Variants in MC2R observed in about 807,000 individuals in gnomAD.
MC2R encodes adrenocorticotropic hormone receptor.
In MC2R, 9 loss-of-function variants were observed where a neutral mutation model predicts 9.8. The observed-to-expected ratio is 0.92, with a 90% CI of 0.55 to 1.60. MC2R has a LOEUF of 1.60. Ranked by LOEUF, MC2R falls within the 40% of genes most tolerant of loss-of-function variation. The pLI is 0.00. For missense variants in MC2R, 370 were observed against 389.0 expected, an observed-to-expected ratio of 0.95 and a Z score of 0.41; for synonymous variants, 185 against 154.7, an observed-to-expected ratio of 1.20 and a Z score of -1.45.
At chr18:13,906,065 C>A (rs967228014) in intron 1 of MC2R, among the ~76,000 whole-genome samples, 2 of 151,932 alleles carry the variant, frequency 1.3e-5, no homozygotes, top group African/African-American at 4.8e-5. Context: ...AGAGTAAGAC[C>A]CCATCTCAAA....
chr18:13,911,978 G>A (rs1249093447), intron 1 of MC2R, among the ~76,000 whole-genome samples: 1 of 152,096 alleles, frequency 6.6e-6, no homozygotes, highest in Non-Finnish European at 1.5e-5. Flanking sequence ...TGCAAATTGG[G>A]GTCAGAACTG....
chr18:13,914,312 T>G (rs777308722), intron 1 of MC2R, among the ~76,000 whole-genome samples: 2 of 152,218 alleles, frequency 1.3e-5, no homozygotes, highest in Non-Finnish European at 2.9e-5. Flanking sequence ...GTGTCCTGTC[T>G]GGGAGCTAGT....
chr18:13,896,884 T>C (rs1453663723), intron 1 of MC2R, among the ~76,000 whole-genome samples: 2 of 152,098 alleles, frequency 1.3e-5, no homozygotes, highest in African/African-American at 4.8e-5. Context: ...ACTCCGCAAG[T>C]CCATACAATA....
intron 1 of MC2R, among the ~76,000 whole-genome samples, chr18:13,892,430 T>C (rs2045320683): frequency 6.6e-6 from 1 of 151,858 alleles, no homozygotes; most frequent in Non-Finnish European, 1.5e-5. Context: ...TACCCGTCCC[T>C]CCCCACCGGC....
chr18:13,884,898 G>A lies in MC2R; in HGVS notation c.621C>T (p.Ile207=). Residue 207 remains isoleucine, a synonymous_variant, in exon 2 of 2, where the codon ATC becomes ATT. Coordinates refer to ENST00000327606, the MANE Select transcript of MC2R (RefSeq NM_000529.2). ...FLLARSHTRK[I]STLPRANMKG... ...TCATGTTGGCTCTGGGGAGGGTGGA[G>A]ATCTTCCTGGTGTGGGATCGAGCCA... 2 of 1,614,108 alleles carry A rather than the reference G, an allele frequency of 1.2e-6. No individual in the cohort carries two copies. The highest frequency in any genetic ancestry group is 1.7e-6 in the Non-Finnish European group (2 of 1,180,020).
intron 1 of MC2R, among the ~76,000 whole-genome samples, chr18:13,908,293 G>T (rs1389263517): frequency 1.3e-5 from 2 of 152,176 alleles, no homozygotes; most frequent in African/African-American, 2.4e-5. Context: ...AATGTCCCTT[G>T]TTCTCACTCA....
chr18:13,907,206 G>C (rs1416319903), intron 1 of MC2R, among the ~76,000 whole-genome samples: 1 of 152,116 alleles, frequency 6.6e-6, no homozygotes, highest in East Asian at 1.9e-4. Context: ...AAATAACCCA[G>C]CTATAAATCC....
intron 1 of MC2R, among the ~76,000 whole-genome samples, chr18:13,895,984 C>T (rs146960336): frequency 1.3e-5 from 2 of 152,262 alleles, no homozygotes; most frequent in African/African-American, 4.8e-5. Context: ...GATACTGGCT[C>T]TTTTTTTCTC....
At chr18:13,894,186 G>A (rs2045333418) in intron 1 of MC2R, among the ~76,000 whole-genome samples, 1 of 152,106 alleles carries the variant, frequency 6.6e-6, no homozygotes, top group Non-Finnish European at 1.5e-5. Context: ...GAGAGAGAGA[G>A]AGGATGTATC....
At chr18:13,896,078 T>C (rs926210039) in intron 1 of MC2R, among the ~76,000 whole-genome samples, 5 of 152,204 alleles carry the variant, frequency 3.3e-5, no homozygotes, top group African/African-American at 1.2e-4. Context: ...GCAACTCATA[T>C]TGGTTACATA....
At chr18:13,886,847 G>A (rs948322) in intron 1 of MC2R, among the ~76,000 whole-genome samples, 45,464 of 151,990 alleles carry the variant, frequency 0.3, 6,950 homozygotes, top group Middle Eastern at 0.35. Flanking sequence ...AGCCCATCAC[G>A]GCCTCACTCT....
chr18:13,906,188 A>G (rs576133198), intron 1 of MC2R, among the ~76,000 whole-genome samples: 1 of 152,388 alleles, frequency 6.6e-6, no homozygotes, highest in South Asian at 2.1e-4. Flanking sequence ...CCAAATGTCC[A>G]TCAATGATAG....
chr18:13,896,836 C>A (rs917763313), intron 1 of MC2R, among the ~76,000 whole-genome samples: 2 of 152,072 alleles, frequency 1.3e-5, no homozygotes, highest in African/African-American at 4.8e-5. Context: ...AAACTAAAAA[C>A]AACATAATAA....
intron 1 of MC2R, among the ~76,000 whole-genome samples, chr18:13,904,230 AC>A (rs1445590713): frequency 4.0e-5 from 6 of 150,208 alleles, no homozygotes; most frequent in African/African-American, 1.5e-4. Context: ...AAAAAAAAAA[AC>A]TTAGGCAGGC....
At chr18:13,891,672 C>T (rs575348867) in intron 1 of MC2R, among the ~76,000 whole-genome samples, 68 of 152,308 alleles carry the variant, frequency 4.5e-4, no homozygotes, top group African/African-American at 1.6e-3. Context: ...GCTGTGGAGT[C>T]TGTGAGCCCT....
chr18:13,891,185 T>A (rs1466847383), intron 1 of MC2R, among the ~76,000 whole-genome samples: 1 of 152,204 alleles, frequency 6.6e-6, no homozygotes, highest in Non-Finnish European at 1.5e-5. Flanking sequence ...GAGAGTATAT[T>A]GTATATCATG....
intron 1 of MC2R, among the ~76,000 whole-genome samples, chr18:13,909,547 A>C (rs374789799): frequency 2.3e-4 from 35 of 152,204 alleles, no homozygotes; most frequent in African/African-American, 8.2e-4. Context: ...AGATTAGCCT[A>C]TCCTTCCCTA....
intron 1 of MC2R, 33 bp downstream of exon 1, chr18:13,915,455 G>C (rs2045470612): frequency 6.5e-6 from 1 of 152,678 alleles, no homozygotes; most frequent in Admixed American, 6.5e-5. Context: ...AAAGCACTTA[G>C]CAAGCTGAGG....
rs1343439368 is a variant in MC2R at position 13,885,495 on chromosome 18, A to C, written c.24T>G (p.Tyr8Ter). 3 of 1,614,206 alleles carry C rather than the reference A, an allele frequency of 1.9e-6. No homozygotes were observed. The highest frequency in any genetic ancestry group is 1.3e-5 in the African/African-American group (1 of 75,044). Residue 8 changes from tyrosine to a stop codon, truncating the protein, a stop_gained, in exon 2 of 2, where the codon TAT (tyrosine) becomes TAG (stop). Coordinates refer to ENST00000327606, the MANE Select transcript of MC2R (RefSeq NM_000529.2). LOFTEE classifies it high-confidence loss of function. ...TTCTTGCTGTGTTGTTGATGTTTTCATACGAGTTGATAATGTGCTTCATTT... is the reference window on the plus strand; with the variant it reads ...TTCTTGCTGTGTTGTTGATGTTTTCCTACGAGTTGATAATGTGCTTCATTT... Reference protein sequence around the residue: MKHIINSYENINNTARNN... With the variant: MKHIINS
Sources: gnomAD v4.1 joint callset for allele counts (sites outside exome capture counted in the v4.1 genomes callset) on GRCh38, gnomAD v4.1.1 for gene constraint, MANE v1.5 for transcripts, NCBI Gene and HGNC (gene_info 2026-07-23, HGNC 2026-07-21) for gene names.